Variants in NOS1AP observed in about 807,000 individuals in gnomAD.
The protein encoded by NOS1AP is carboxyl-terminal PDZ ligand of neuronal nitric oxide synthase protein.
Under a neutral mutation model 56.2 loss-of-function variants are expected in NOS1AP, and 21 were observed. The ratio of observed to expected loss-of-function variants is 0.37; its 90% CI spans 0.26 to 0.54. The LOEUF is 0.54. Ranked by LOEUF, NOS1AP falls within the 20% of genes least tolerant of loss-of-function variation. NOS1AP has a pLI of 0.84. For missense variants in NOS1AP, 522 were observed against 657.8 expected (o/e 0.79, Z 2.26); for synonymous variants, 270 against 274.6 (o/e 0.98, Z 0.17).
At chr1:162,288,670 A>G (rs10919080) in intron 3 of NOS1AP, among the ~76,000 whole-genome samples, 43,988 of 152,092 alleles carry the variant, frequency 0.29, 6,791 homozygotes, top group East Asian at 0.59. Flanking sequence ...TTAATCCAAA[A>G]CTTGTTCTTT....
intron 2 of NOS1AP, among the ~76,000 whole-genome samples, chr1:162,209,539 T>G (rs1337120798): frequency 6.6e-6 from 1 of 152,172 alleles, no homozygotes; most frequent in Non-Finnish European, 1.5e-5. Flanking sequence ...TTTCCTCTCT[T>G]TGTGCCTGGG....
intron 2 of NOS1AP, among the ~76,000 whole-genome samples, chr1:162,229,100 T>C (rs1653036511): frequency 3.3e-5 from 5 of 152,316 alleles, no homozygotes; most frequent in East Asian, 1.9e-4. Flanking sequence ...TGGGATGAAG[T>C]TGGAGTCTGG....
chr1:162,249,098 TCTCCCGG>T (rs1653767635), intron 2 of NOS1AP, among the ~76,000 whole-genome samples: 1 of 152,006 alleles, frequency 6.6e-6, no homozygotes, highest in Non-Finnish European at 1.5e-5. Context: ...GGGAGCAAGC[TCTCCCGG>T]GGTTTGGCCA....
chr1:162,290,257 C>T (rs1423813152), intron 3 of NOS1AP, among the ~76,000 whole-genome samples: 1 of 152,236 alleles, frequency 6.6e-6, no homozygotes, highest in Non-Finnish European at 1.5e-5. Flanking sequence ...CATCTTGTTT[C>T]CTGCACCCAC....
intron 4 of NOS1AP, among the ~76,000 whole-genome samples, chr1:162,306,665 G>GT (rs1257596811): frequency 6.6e-6 from 1 of 152,142 alleles, no homozygotes; most frequent in Non-Finnish European, 1.5e-5. Flanking sequence ...CAGTCGGCTT[G>GT]GTGGCTCACA....
chr1:162,227,133 A>G (rs1409925912), intron 2 of NOS1AP, among the ~76,000 whole-genome samples: 1 of 152,176 alleles, frequency 6.6e-6, no homozygotes, highest in Non-Finnish European at 1.5e-5. Context: ...CTTAATTCCA[A>G]CATTACAGAG....
At chr1:162,173,280 G>T (rs1650891266) in intron 2 of NOS1AP, among the ~76,000 whole-genome samples, 1 of 152,100 alleles carries the variant, frequency 6.6e-6, no homozygotes, top group Non-Finnish European at 1.5e-5. Flanking sequence ...ATAGGTGTGA[G>T]CCACCACAGC....
At chr1:162,271,502 A>G (rs1300245604) in intron 2 of NOS1AP, among the ~76,000 whole-genome samples, 1 of 152,228 alleles carries the variant, frequency 6.6e-6, no homozygotes, top group Non-Finnish European at 1.5e-5. Flanking sequence ...AAAATGCTCA[A>G]TACATGAGTT....
At chr1:162,295,212 T>C (rs1286054746) in intron 3 of NOS1AP, among the ~76,000 whole-genome samples, 8 of 152,246 alleles carry the variant, frequency 5.3e-5, no homozygotes. Context: ...TTCCTTCCAA[T>C]CCCATCTGAA....
intron 2 of NOS1AP, among the ~76,000 whole-genome samples, chr1:162,164,318 ATCTAC>A (rs565515317): frequency 5.4e-4 from 82 of 152,306 alleles, no homozygotes; most frequent in African/African-American, 1.9e-3. Flanking sequence ...TGCATTGAGC[ATCTAC>A]TCTTTGTTTT....
At chr1:162,179,593 A>T (rs1040352732) in intron 2 of NOS1AP, among the ~76,000 whole-genome samples, 1 of 152,206 alleles carries the variant, frequency 6.6e-6, no homozygotes, top group African/African-American at 2.4e-5. Flanking sequence ...TTCAGTGAGA[A>T]TGTAAAGAAA....
chr1:162,100,014 T>G (rs1014726057), intron 1 of NOS1AP, among the ~76,000 whole-genome samples: 41 of 151,876 alleles, frequency 2.7e-4, no homozygotes, highest in Non-Finnish European at 5.0e-4. Flanking sequence ...TGCCACATTT[T>G]CTTAATCCAG....
intron 4 of NOS1AP, among the ~76,000 whole-genome samples, chr1:162,303,063 A>G (rs999988275): frequency 6.6e-6 from 1 of 152,188 alleles, no homozygotes; most frequent in Non-Finnish European, 1.5e-5. Flanking sequence ...TTGCGTAACC[A>G]TTCATGTGTT....
At chr1:162,191,995 T>A (rs547874962) in intron 2 of NOS1AP, among the ~76,000 whole-genome samples, 1 of 152,230 alleles carries the variant, frequency 6.6e-6, no homozygotes, top group Admixed American at 6.5e-5. Flanking sequence ...GTCTGGGGTT[T>A]TTAATGCCAG....
chr1:162,351,774 C>A (rs1657505332), intron 6 of NOS1AP, among the ~76,000 whole-genome samples: 1 of 152,204 alleles, frequency 6.6e-6, no homozygotes, highest in Non-Finnish European at 1.5e-5. Flanking sequence ...TCCTTGGTAG[C>A]CAGGCTTCTT....
intron 1 of NOS1AP, among the ~76,000 whole-genome samples, chr1:162,151,515 T>C (rs1649705064): frequency 6.6e-6 from 1 of 152,224 alleles, no homozygotes; most frequent in African/African-American, 2.4e-5. Context: ...TATGGCTCCA[T>C]ATAAATTTTA....
chr1:162,364,283 A>G (rs1657994672), intron 8 of NOS1AP: 1 of 985,472 alleles, frequency 1.0e-6, no homozygotes, highest in Non-Finnish European at 1.2e-6. Context: ...TTTTGGTACA[A>G]GAACACCCTT....
chr1:162,211,995 G>T (rs966865640), intron 2 of NOS1AP, among the ~76,000 whole-genome samples: 1 of 152,248 alleles, frequency 6.6e-6, no homozygotes, highest in African/African-American at 2.4e-5. Context: ...AGACTACTTA[G>T]TGACAGAATC....
At chr1:162,221,188 C>G (rs1209213706) in intron 2 of NOS1AP, among the ~76,000 whole-genome samples, 1 of 152,244 alleles carries the variant, frequency 6.6e-6, no homozygotes, top group African/African-American at 2.4e-5. Context: ...ATCCACCCAC[C>G]TTGGCCTCCC....
Sources: allele counts gnomAD v4.1 joint callset (sites outside exome capture counted in the v4.1 genomes callset), GRCh38; gene constraint gnomAD v4.1.1; transcripts MANE v1.5; gene names NCBI Gene and HGNC (gene_info 2026-07-23, HGNC 2026-07-21).